KIAA1217: variants seen among roughly 807,000 people sequenced by gnomAD.
KIAA1217 encodes KIAA1217, also known as sickle tail protein homolog.
KIAA1217 carries 88 observed loss-of-function variants against 163.9 expected under a neutral mutation model. The observed-to-expected ratio is 0.54, with a 90% CI of 0.45 to 0.64. The LOEUF is 0.64. Among genes scored for constraint, KIAA1217 ranks in the 30% least tolerant of loss-of-function variants. The pLI, the probability that KIAA1217 is intolerant of heterozygous loss-of-function variation, is 0.00. For synonymous variants in KIAA1217, 903 were observed against 923.1 expected (o/e 0.98, Z 0.39); for missense variants, 2,372 against 2,475.0 (o/e 0.96, Z 0.88).
chr10:24,259,884 A>G (rs1229157983), intron 2 of KIAA1217, among the ~76,000 whole-genome samples: 5 of 152,068 alleles, frequency 3.3e-5, no homozygotes, highest in Non-Finnish European at 5.9e-5. Flanking sequence ...CAGAGTGGAG[A>G]TTCTTCTTTA....
intron 1 of KIAA1217, among the ~76,000 whole-genome samples, chr10:23,908,675 C>T (rs751149627): frequency 3.0e-4 from 45 of 152,080 alleles, no homozygotes; most frequent in African/African-American, 1.1e-3. Context: ...TCAACATTTT[C>T]AATATCTCCC....
intron 5 of KIAA1217, among the ~76,000 whole-genome samples, chr10:24,456,029 G>C (rs2061753630): frequency 6.6e-6 from 1 of 152,178 alleles, no homozygotes; most frequent in African/African-American, 2.4e-5. Context: ...GGGACTAAAG[G>C]CGTATGCCAC....
At chr10:23,959,669 T>G (rs1205940548) in intron 1 of KIAA1217, among the ~76,000 whole-genome samples, 3 of 152,160 alleles carry the variant, frequency 2.0e-5, no homozygotes, top group African/African-American at 7.2e-5. Context: ...CTAAATTTGA[T>G]GAAGAGTGGA....
chr10:23,931,298 G>A (rs937698295), intron 1 of KIAA1217, among the ~76,000 whole-genome samples: 3 of 151,750 alleles, frequency 2.0e-5, no homozygotes, highest in Non-Finnish European at 2.9e-5. Context: ...AGAGTGACTT[G>A]TCCTTGATCG....
chr10:23,815,348 A>C (rs1037374280), intron 1 of KIAA1217, among the ~76,000 whole-genome samples: 4 of 152,326 alleles, frequency 2.6e-5, no homozygotes, highest in Admixed American at 2.6e-4. Context: ...GTGGATGGTA[A>C]AATTTAATAA....
At chr10:23,728,646 CA>C in intron 1 of KIAA1217, among the ~76,000 whole-genome samples, 1 of 152,232 alleles carries the variant, frequency 6.6e-6, no homozygotes, top group African/African-American at 2.4e-5. Flanking sequence ...TTTTGCTGTG[CA>C]GAAGCTTTTT....
At chr10:23,828,018 G>T (rs979769671) in intron 1 of KIAA1217, among the ~76,000 whole-genome samples, 1 of 152,194 alleles carries the variant, frequency 6.6e-6, no homozygotes, top group African/African-American at 2.4e-5. Flanking sequence ...GTGGAGAATT[G>T]AGCCAGATTG....
intron 2 of KIAA1217, among the ~76,000 whole-genome samples, chr10:24,221,590 A>G (rs2069662599): frequency 6.6e-6 from 1 of 152,202 alleles, no homozygotes; most frequent in Admixed American, 6.5e-5. Flanking sequence ...CTAGAGAATC[A>G]TTATCTGAGT....
chr10:24,244,721 T>C (rs7070833), intron 2 of KIAA1217, among the ~76,000 whole-genome samples: 59,057 of 151,448 alleles, frequency 0.39, 11,840 homozygotes, highest in East Asian at 0.57. Context: ...TGTGCTACCA[T>C]GCCCTGCTAA....
intron 2 of KIAA1217, among the ~76,000 whole-genome samples, chr10:24,051,469 A>G (rs1398814644): frequency 2.0e-5 from 3 of 152,168 alleles, no homozygotes; most frequent in African/African-American, 4.8e-5. Context: ...TTAGTTACCT[A>G]AGGAATTTCT....
chr10:24,337,943 C>G (rs1030955874), intron 2 of KIAA1217, among the ~76,000 whole-genome samples: 2 of 152,086 alleles, frequency 1.3e-5, no homozygotes, highest in African/African-American at 2.4e-5. Context: ...GCGCCCGGCC[C>G]GTAAACATTT....
chr10:24,391,159 A>G (rs928714802), intron 3 of KIAA1217, among the ~76,000 whole-genome samples: 25 of 152,080 alleles, frequency 1.6e-4, no homozygotes, highest in Non-Finnish European at 2.5e-4. Flanking sequence ...GGACATAGGT[A>G]AAAAAGCATG....
At chr10:24,297,898 C>A (rs531305283) in intron 2 of KIAA1217, among the ~76,000 whole-genome samples, 1 of 151,682 alleles carries the variant, frequency 6.6e-6, no homozygotes, top group Admixed American at 6.6e-5. Flanking sequence ...GTGAAAGGTA[C>A]ATGAAATAGG....
At chr10:24,239,365 A>C (rs1424496210) in intron 2 of KIAA1217, 1 of 908,858 alleles carries the variant, frequency 1.1e-6, no homozygotes, top group Non-Finnish European at 1.3e-6. Context: ...TTTTCTTCCA[A>C]GTTTTTGCCA....
chr10:24,256,984 T>C (rs921529846), intron 2 of KIAA1217, among the ~76,000 whole-genome samples: 7 of 152,096 alleles, frequency 4.6e-5, no homozygotes, highest in Non-Finnish European at 7.3e-5. Flanking sequence ...CTGAAGGTAT[T>C]TTGGACTGAG....
At chr10:24,085,612 C>T (rs1261506254) in intron 2 of KIAA1217, among the ~76,000 whole-genome samples, 1 of 151,970 alleles carries the variant, frequency 6.6e-6, no homozygotes, top group Non-Finnish European at 1.5e-5. Context: ...CACCCTTGAC[C>T]ATGAATATCT....
intron 1 of KIAA1217, among the ~76,000 whole-genome samples, chr10:23,720,184 G>A (rs1443325642): frequency 6.6e-6 from 1 of 151,758 alleles, no homozygotes; most frequent in Admixed American, 6.6e-5. Flanking sequence ...ATGTTACGTG[G>A]TTTCCACCTC....
intron 2 of KIAA1217, among the ~76,000 whole-genome samples, chr10:24,317,040 A>G (rs1387734563): frequency 6.6e-6 from 1 of 152,096 alleles, no homozygotes; most frequent in Non-Finnish European, 1.5e-5. Context: ...AGTCTAGAAA[A>G]GGCTAGAATT....
At position 24,143,823 on chromosome 10, in the gene KIAA1217, A is replaced by AC. The variant is rs200662922; in HGVS notation, c.-170-75803_-170-75802insC. ...GGGGCTCATTCCTGATTAAAAAAAA[A>AC]AAAAACAAAAACAAAAAACCAGTTC... On this transcript the variant is annotated intron_variant, in intron 2 of 18. Transcript: ENST00000376462. Among the ~76,000 whole-genome samples, 647 of 151,974 alleles carry AC rather than the reference A, an allele frequency of 4.3e-3. 1 individual carries two copies. The highest frequency in any genetic ancestry group is 0.015 in the African/African-American group (627 of 41,440).
Sources: allele counts gnomAD v4.1 joint callset (sites outside exome capture counted in the v4.1 genomes callset), GRCh38; gene constraint gnomAD v4.1.1; transcripts MANE v1.5; gene names NCBI Gene and HGNC (gene_info 2026-07-23, HGNC 2026-07-21).